Variants in PACRG observed in about 807,000 individuals in gnomAD.
PACRG encodes parkin coregulated gene protein.
In PACRG, 29 loss-of-function variants were observed where a neutral mutation model predicts 29.7. That is an observed-to-expected ratio of 0.98 (90% CI 0.73 to 1.33). The LOEUF is 1.33. Among genes scored for constraint, PACRG ranks in the 40% most tolerant of loss-of-function variants. PACRG has a pLI of 0.00. For synonymous variants in PACRG, 116 were observed against 118.7 expected (o/e 0.98, Z 0.15); for missense variants, 279 against 316.2 (o/e 0.88, Z 0.89).
chr6:163,073,838 A>C (rs1812298249), intron 3 of PACRG, among the ~76,000 whole-genome samples: 1 of 152,264 alleles, frequency 6.6e-6, no homozygotes, highest in South Asian at 2.1e-4. Flanking sequence ...AAGGTTCTCG[A>C]CATAATTGAT....
intron 4 of PACRG, among the ~76,000 whole-genome samples, chr6:163,151,323 AC>A (rs1359517162): frequency 2.0e-5 from 3 of 152,096 alleles, no homozygotes; most frequent in Non-Finnish European, 2.9e-5. Context: ...TTAATGTGTT[AC>A]CAAGGAGAAA....
At chr6:162,929,526 G>T (rs543688744) in intron 2 of PACRG, among the ~76,000 whole-genome samples, 1 of 152,130 alleles carries the variant, frequency 6.6e-6, no homozygotes, top group East Asian at 1.9e-4. Context: ...CATTCTGTGG[G>T]TTATCTCTTC....
chr6:163,061,952 T>C (rs1400260133), intron 2 of PACRG, among the ~76,000 whole-genome samples, 198 bp from the exon 3 acceptor site: 1 of 152,162 alleles, frequency 6.6e-6, no homozygotes, highest in East Asian at 1.9e-4. Flanking sequence ...GGTCTAAAGG[T>C]CCATGATTTT....
chr6:163,196,642 G>C (rs570289898), intron 4 of PACRG, among the ~76,000 whole-genome samples: 1 of 152,314 alleles, frequency 6.6e-6, no homozygotes, highest in African/African-American at 2.4e-5. Context: ...ATGGTTTCTT[G>C]AAAGAGTCAC....
chr6:162,957,044 A>C (rs1194477544), intron 2 of PACRG, among the ~76,000 whole-genome samples: 1 of 152,128 alleles, frequency 6.6e-6, no homozygotes, highest in African/African-American at 2.4e-5. Flanking sequence ...GCGTTTAAAA[A>C]AAAAAAACCA....
In PACRG at chr6:162,970,343, C is replaced by T. The variant is rs1488395208; in HGVS notation, c.292-91807C>T. Among the ~76,000 whole-genome samples the T allele has an allele frequency of 3.9e-5, 6 of 152,072 alleles. No homozygotes were observed. The South Asian group carries it at 6.2e-4, about 16-fold the overall frequency. ...GGGTGTCTGGGGAGCGCATCGATTT[C>T]GGAGCTGCTGTGGGAATATACTTAG... On this transcript the variant is annotated intron_variant, in intron 2 of 4. Transcript: ENST00000366888.
intron 2 of PACRG, among the ~76,000 whole-genome samples, chr6:162,871,127 T>C (rs2127994051): frequency 6.6e-6 from 1 of 152,356 alleles, no homozygotes. Context: ...CTAGATGGGT[T>C]AGTCAGAAAA....
At position 162,777,240 on chromosome 6, in the gene PACRG, C is replaced by T. The variant is rs1391560863; in HGVS notation, c.157-36907C>T. Among the ~76,000 whole-genome samples, 2 of 152,170 alleles carry T rather than the reference C, an allele frequency of 1.3e-5. No individual in the cohort carries two copies. The highest frequency in any genetic ancestry group is 1.9e-4 in the East Asian group (1 of 5,194). ...TGGCTCCCTCGTGCCGGCTGTGTGACGTTGTTTTTCTCCACTTCGGGACAT... is the reference window on the plus strand; with the variant it reads ...TGGCTCCCTCGTGCCGGCTGTGTGATGTTGTTTTTCTCCACTTCGGGACAT... On this transcript the variant is annotated intron_variant, in intron 1 of 4. Transcript: ENST00000366888. The surrounding 1 kb of genome is among the most constrained non-coding windows in gnomAD (Gnocchi z 4.0).
At position 162,947,359 on chromosome 6, in the gene PACRG, A is replaced by AATAT. The variant is rs1799143963; in HGVS notation, c.292-114789_292-114788insATAT. On this transcript the variant is annotated intron_variant, in intron 2 of 4. Coordinates refer to ENST00000366888, the MANE Select transcript of PACRG (RefSeq NM_001080379.2). Reference sequence around the variant, plus strand: ...ATATATATAATGATTACATATATATAATGTAATCATATATAATCATATATA... The same window carrying AATAT: ...ATATATATAATGATTACATATATATAATATATGTAATCATATATAATCATATATA... Among the ~76,000 whole-genome samples the AATAT allele has an allele frequency of 3.2e-3, 119 of 36,662 alleles. 4 individuals carry two copies. The highest frequency in any genetic ancestry group is 0.012 in the African/African-American group (112 of 9,726). The allele number at this position is 36,662 out of a possible 152,430, so 24.1% of individuals were successfully genotyped here.
intron 4 of PACRG, among the ~76,000 whole-genome samples, chr6:163,239,892 ACT>A (rs1197156683): frequency 1.7e-5 from 2 of 117,820 alleles, no homozygotes; most frequent in Non-Finnish European, 3.2e-5. Context: ...TCTGACACAC[ACT>A]CACACTGTCA....
In PACRG at chr6:163,100,874, T is replaced by C. The variant is rs1034168138; in HGVS notation, c.613+11466T>C. 6.1e-6 allele frequency: 6 copies of C among 984,134 alleles called. No homozygotes were observed. In the African/African-American group the frequency reaches 1.0e-4, roughly 17 times the overall value. 61.0% of individuals were successfully genotyped at this position (984,134 alleles called of 1,614,324 possible). A position where few individuals can be genotyped will look rare whatever the true frequency, so the allele number is the denominator to read the frequency against. ...GCAAATATTATTGATATTTTCTTGCTTGCCTGCTTTCTGTATTATATTCTC... is the reference window on the plus strand; with the variant it reads ...GCAAATATTATTGATATTTTCTTGCCTGCCTGCTTTCTGTATTATATTCTC... On this transcript the variant is annotated intron_variant, in intron 4 of 4. Coordinates refer to ENST00000366888, the MANE Select transcript of PACRG (RefSeq NM_001080379.2).
chr6:163,235,926 A>T (rs1206256438), intron 4 of PACRG, among the ~76,000 whole-genome samples: 2 of 125,532 alleles, frequency 1.6e-5, no homozygotes, highest in Non-Finnish European at 3.3e-5. Context: ...AAAGAAAGGA[A>T]AAAAGTTGTT....
chr6:163,085,028 G>A (rs1334129188), intron 3 of PACRG, among the ~76,000 whole-genome samples: 1 of 151,988 alleles, frequency 6.6e-6, no homozygotes, highest in African/African-American at 2.4e-5. Flanking sequence ...CCAGCATCCA[G>A]TGACCACAAC....
intron 1 of PACRG, among the ~76,000 whole-genome samples, chr6:162,743,780 A>G (rs2128266150): frequency 6.6e-6 from 1 of 152,266 alleles, no homozygotes; most frequent in South Asian, 2.1e-4. Flanking sequence ...ATATTCTCAG[A>G]GTTGCACGTA....
At chr6:163,269,827 GAAAGAAAGAAAAAGAAAGAAA>G (rs1783678451) in intron 4 of PACRG, among the ~76,000 whole-genome samples, 3 of 32,086 alleles carry the variant, frequency 9.3e-5, no homozygotes, top group African/African-American at 3.4e-4. Context: ...GAAGGAGAAA[GAAAGAAAGAAAAAGAAAGAAA>G]GAAAGAAAGA....
At chr6:162,938,024 T>TTA (rs1300139554) in intron 2 of PACRG, among the ~76,000 whole-genome samples, 1 of 152,116 alleles carries the variant, frequency 6.6e-6, no homozygotes, top group Non-Finnish European at 1.5e-5. Flanking sequence ...TGCACACAGT[T>TTA]TATAGACTTT....
At chr6:162,832,856 A>G (rs2128396314) in intron 2 of PACRG, among the ~76,000 whole-genome samples, 1 of 152,000 alleles carries the variant, frequency 6.6e-6, no homozygotes, top group Non-Finnish European at 1.5e-5. Flanking sequence ...AGATGATTCC[A>G]AATAAACTAT....
chr6:163,152,561 C>A (rs1778143422), intron 4 of PACRG, among the ~76,000 whole-genome samples: 1 of 152,320 alleles, frequency 6.6e-6, no homozygotes. Flanking sequence ...GGAAGGACCT[C>A]AATGTATAAC....
chr6:162,758,386 T>C (rs1025751120), intron 1 of PACRG, among the ~76,000 whole-genome samples: 4 of 152,190 alleles, frequency 2.6e-5, no homozygotes, highest in African/African-American at 9.7e-5. Flanking sequence ...GCTCTTTTTC[T>C]TAATTTCTTT....
Sources: allele counts gnomAD v4.1 joint callset (sites outside exome capture counted in the v4.1 genomes callset), GRCh38; gene constraint gnomAD v4.1.1; non-coding constraint Gnocchi (gnomAD v3.1); transcripts MANE v1.5; gene names NCBI Gene and HGNC (gene_info 2026-07-23, HGNC 2026-07-21).